Variants in PTPRD observed in about 807,000 individuals in gnomAD.
PTPRD encodes protein tyrosine phosphatase receptor type D.
In PTPRD, 34 loss-of-function variants were observed where a neutral mutation model predicts 214.5. That is an observed-to-expected ratio of 0.16 (90% CI 0.12 to 0.21). PTPRD has a LOEUF of 0.21. Ranked by LOEUF, PTPRD falls within the 10% of genes least tolerant of loss-of-function variation. The pLI is 1.00. For synonymous variants in PTPRD, 1,128 were observed against 845.7 expected (o/e 1.33, Z -5.79); for missense variants, 2,545 against 2,398.7 (o/e 1.06, Z -1.27).
intron 11 of PTPRD, among the ~76,000 whole-genome samples, chr9:8,808,065 A>G (rs894951069): frequency 2.0e-5 from 3 of 152,330 alleles, no homozygotes; most frequent in East Asian, 1.9e-4. Context: ...AAAGTCCCCA[A>G]TTGATTTCCC....
At chr9:10,431,978 A>T (rs934481291) in intron 2 of PTPRD, among the ~76,000 whole-genome samples, 1 of 152,028 alleles carries the variant, frequency 6.6e-6, no homozygotes, top group African/African-American at 2.4e-5. Flanking sequence ...ATAAAGACAC[A>T]TGCACACGTA....
chr9:9,138,755 G>A (rs1327992433), intron 10 of PTPRD, among the ~76,000 whole-genome samples: 1 of 151,994 alleles, frequency 6.6e-6, no homozygotes, highest in African/African-American at 2.4e-5. Flanking sequence ...TTTTAACACA[G>A]AGTTGTTTAT....
intron 8 of PTPRD, among the ~76,000 whole-genome samples, chr9:9,562,979 G>T (rs975538853): frequency 2.6e-5 from 4 of 152,126 alleles, no homozygotes; most frequent in African/African-American, 7.2e-5. Context: ...GAACACAGTA[G>T]CTGCTCACCA....
intron 12 of PTPRD, among the ~76,000 whole-genome samples, chr9:8,712,122 G>T (rs866858593): frequency 5.0e-4 from 76 of 152,192 alleles, no homozygotes; most frequent in African/African-American, 1.7e-3. Context: ...AGAAGTAGGG[G>T]AGGGAGGGAG....
chr9:9,932,816 G>A (rs1360997444), intron 5 of PTPRD, among the ~76,000 whole-genome samples: 1 of 125,366 alleles, frequency 8.0e-6, no homozygotes, highest in Non-Finnish European at 1.7e-5. Flanking sequence ...AATGTTAAGG[G>A]CAGCCAGAGA....
At chr9:8,946,725 GCT>G (rs1387906452) in intron 11 of PTPRD, among the ~76,000 whole-genome samples, 1 of 152,106 alleles carries the variant, frequency 6.6e-6, no homozygotes, top group East Asian at 1.9e-4. Context: ...TCCCCAGGTT[GCT>G]CTCTTTCAGG....
chr9:9,098,759 T>C (rs2154437831), intron 10 of PTPRD, among the ~76,000 whole-genome samples: 1 of 152,262 alleles, frequency 6.6e-6, no homozygotes, highest in East Asian at 1.9e-4. Context: ...GGGGAAAAAT[T>C]AGGTATATTT....
At chr9:9,172,254 T>C (rs969552434) in intron 10 of PTPRD, among the ~76,000 whole-genome samples, 1 of 152,150 alleles carries the variant, frequency 6.6e-6, no homozygotes, top group African/African-American at 2.4e-5. Context: ...AAAAAGGGAA[T>C]GTATAAGAAT....
intron 8 of PTPRD, among the ~76,000 whole-genome samples, chr9:9,510,035 A>T (rs1454171331): frequency 1.3e-5 from 2 of 151,612 alleles, no homozygotes; most frequent in Non-Finnish European, 3.0e-5. Flanking sequence ...GCTCAGTGAC[A>T]AGGAGCCTCA....
At chr9:9,999,617 G>C (rs1299470982) in intron 4 of PTPRD, among the ~76,000 whole-genome samples, 1 of 152,152 alleles carries the variant, frequency 6.6e-6, no homozygotes, top group Non-Finnish European at 1.5e-5. Context: ...TTATAGTCAC[G>C]CTACTATTTG....
rs186626027 is a variant in PTPRD, at chr9:10,412,211, A to G, written c.-599-71194T>C. Among the ~76,000 whole-genome samples the G allele has an allele frequency of 7.2e-5, 11 of 151,904 alleles. No homozygotes were observed. In the East Asian group the frequency reaches 1.8e-3, roughly 24 times the overall value. On this transcript the variant is annotated intron_variant, in intron 2 of 45. Coordinates refer to ENST00000381196, the MANE Select transcript of PTPRD (RefSeq NM_002839.4). ...GAAGAGAGAAGATCCAAATAACATA[A>G]TTAGAAATGAAAAAAGGAATGTTAC...
chr9:9,347,233 CTGT>C, intron 9 of PTPRD, among the ~76,000 whole-genome samples: 1 of 147,910 alleles, frequency 6.8e-6, no homozygotes, highest in Middle Eastern at 3.4e-3. Context: ...CACATGAACT[CTGT>C]TGCATATATT....
At chr9:8,753,328 C>T (rs1018239910) in intron 11 of PTPRD, among the ~76,000 whole-genome samples, 8 of 152,180 alleles carry the variant, frequency 5.3e-5, no homozygotes, top group Non-Finnish European at 8.8e-5. Context: ...CAACTGATTT[C>T]ACCAAGTACA....
intron 3 of PTPRD, among the ~76,000 whole-genome samples, chr9:10,214,402 G>T (rs1245701371): frequency 6.7e-6 from 1 of 150,250 alleles, no homozygotes; most frequent in African/African-American, 2.4e-5. Context: ...TCTGCCTCCA[G>T]AGTAGCTGGG....
intron 3 of PTPRD, among the ~76,000 whole-genome samples, chr9:10,167,686 G>T (rs2099167785): frequency 6.6e-6 from 1 of 152,086 alleles, no homozygotes; most frequent in Non-Finnish European, 1.5e-5. Context: ...AGCCTCTGAG[G>T]CTATCCATTT....
At chr9:9,794,444 T>C (rs1293762770) in intron 5 of PTPRD, among the ~76,000 whole-genome samples, 2 of 152,034 alleles carry the variant, frequency 1.3e-5, no homozygotes, top group African/African-American at 2.4e-5. Context: ...GGGGTACTGG[T>C]GGCAGAGGCA....
chr9:8,736,844 C>G (rs2090545883), intron 11 of PTPRD, among the ~76,000 whole-genome samples: 1 of 152,086 alleles, frequency 6.6e-6, no homozygotes, highest in Admixed American at 6.6e-5. Context: ...AAGCAGTTCA[C>G]AGCTATCAGA....
At chr9:9,625,191 A>G (rs1285269010) in intron 7 of PTPRD, among the ~76,000 whole-genome samples, 1 of 152,162 alleles carries the variant, frequency 6.6e-6, no homozygotes, top group Non-Finnish European at 1.5e-5. Flanking sequence ...ATCTCCTTCT[A>G]AAGTTGGAGG....
chr9:9,498,069 G>T (rs777426279), intron 8 of PTPRD, among the ~76,000 whole-genome samples: 9 of 152,090 alleles, frequency 5.9e-5, no homozygotes, highest in Non-Finnish European at 1.3e-4. Flanking sequence ...GTTTTAATTG[G>T]AATCCATGAA....
Sources: gnomAD v4.1 joint callset for allele counts (sites outside exome capture counted in the v4.1 genomes callset) on GRCh38, gnomAD v4.1.1 for gene constraint, MANE v1.5 for transcripts, NCBI Gene and HGNC (gene_info 2026-07-23, HGNC 2026-07-21) for gene names.